SLC10A7: variants seen among roughly 807,000 people sequenced by gnomAD.
SLC10A7 encodes the protein solute carrier family 10 member 7.
In SLC10A7, 29 loss-of-function variants were observed where a neutral mutation model predicts 43.2. The ratio of observed to expected loss-of-function variants is 0.67; its 90% confidence interval spans 0.50 to 0.92. The LOEUF is 0.92. Among genes scored for constraint, SLC10A7 ranks in the 40% least tolerant of loss-of-function variants. The pLI is 0.00. For missense variants in SLC10A7, 295 were observed against 403.2 expected, an observed-to-expected ratio of 0.73 and a Z score of 2.30; for synonymous variants, 152 against 144.8, an observed-to-expected ratio of 1.05 and a Z score of -0.35.
intron 4 of SLC10A7, among the ~76,000 whole-genome samples, chr4:146,481,885 A>T (rs1214792715): frequency 1.3e-5 from 2 of 152,200 alleles, no homozygotes; most frequent in Non-Finnish European, 2.9e-5. Context: ...ACACCTAAAG[A>T]GATCCTCTCA....
rs191793129 is a variant in SLC10A7, at chr4:146,464,892, C to T, written c.397-22071G>A. Among the ~76,000 whole-genome samples the T allele has an allele frequency of 1.5e-3, 232 of 152,120 alleles. 4 individuals carry two copies. The Middle Eastern group carries it at 0.034, about 22-fold the overall frequency. On this transcript the variant is annotated intron_variant, in intron 4 of 11. Transcript: ENST00000335472. ...TTTAAAACAGAGTTTATTATTTACC[C>T]ACTTTTTAAAAAGTATTCCCTTAAC...
intron 5 of SLC10A7, among the ~76,000 whole-genome samples, chr4:146,421,891 G>A (rs1327250816): frequency 1.3e-5 from 2 of 152,034 alleles, no homozygotes; most frequent in Non-Finnish European, 2.9e-5. Context: ...AACCTACTGT[G>A]TCCTCTCTTT....
At chr4:146,377,893 G>A (rs944451084) in intron 5 of SLC10A7, among the ~76,000 whole-genome samples, 1 of 152,118 alleles carries the variant, frequency 6.6e-6, no homozygotes, top group Non-Finnish European at 1.5e-5. Flanking sequence ...AAACTTCATA[G>A]GTTTATATGC....
chr4:146,440,543 A>G (rs921233965), intron 5 of SLC10A7, among the ~76,000 whole-genome samples: 1 of 152,182 alleles, frequency 6.6e-6, no homozygotes, highest in African/African-American at 2.4e-5. Flanking sequence ...CAAATGTTAT[A>G]TAATAGAGAA....
chr4:146,298,385 T>C (rs939528745), intron 7 of SLC10A7, among the ~76,000 whole-genome samples: 3 of 152,184 alleles, frequency 2.0e-5, no homozygotes, highest in Non-Finnish European at 4.4e-5. Context: ...ATGCTATAAG[T>C]GTAAAACTCT....
intron 5 of SLC10A7, among the ~76,000 whole-genome samples, chr4:146,417,034 C>T (rs1728623391): frequency 6.6e-6 from 1 of 152,094 alleles, no homozygotes; most frequent in South Asian, 2.1e-4. Context: ...CTGTTCTCTC[C>T]ATAAGATATA....
chr4:146,457,589 A>T (rs1338162366), intron 4 of SLC10A7, among the ~76,000 whole-genome samples: 1 of 151,938 alleles, frequency 6.6e-6, no homozygotes, highest in Non-Finnish European at 1.5e-5. Context: ...TGCAAACCAC[A>T]GTTTGTTCAT....
chr4:146,417,035 A>G (rs12186135), intron 5 of SLC10A7, among the ~76,000 whole-genome samples: 28,621 of 152,072 alleles, frequency 0.19, 3,444 homozygotes, highest in South Asian at 0.31. Context: ...TGTTCTCTCC[A>G]TAAGATATAT....
Position 146,258,807 on chromosome 4 carries a change from C to A in SLC10A7, c.878G>T (p.Gly293Val). ...AGATATTAAAGAGAGATGCTCATGG[C>A]CTGCAAACACGATCTTCAGCATCGG... is the stretch of plus-strand genomic sequence containing the variant. ...GIPMLKIVFA[G>V]HEHLSLISVP... The change falls in exon 11 of 12, where the codon GGC becomes GTC. Residue 293 changes from glycine to valine, a missense_variant. Gly to Val is a moderately radical substitution (Grantham distance 109). Coordinates refer to ENST00000335472, the MANE Select transcript of SLC10A7 (RefSeq NM_001029998.6). 6.2e-7 allele frequency: 1 copy of A among 1,608,506 alleles called. No individual in the cohort carries two copies. Among genetic ancestry groups the A allele is most frequent in the Non-Finnish European group, 8.5e-7 (1 of 1,178,778 alleles).
intron 4 of SLC10A7, among the ~76,000 whole-genome samples, chr4:146,453,584 A>G (rs1171918293): frequency 6.6e-6 from 1 of 151,986 alleles, no homozygotes. Context: ...TATTGTTCCA[A>G]CTACAGCTCT....
intron 5 of SLC10A7, among the ~76,000 whole-genome samples, chr4:146,389,882 CTGT>C (rs1318953556): frequency 1.3e-5 from 2 of 152,282 alleles, no homozygotes. Flanking sequence ...CTCCCTGGGG[CTGT>C]TGTTAGAATT....
intron 9 of SLC10A7, among the ~76,000 whole-genome samples, chr4:146,288,892 T>C (rs1730215764): frequency 6.6e-6 from 1 of 152,268 alleles, no homozygotes; most frequent in South Asian, 2.1e-4. Context: ...GTCTTTTTAT[T>C]CTTTCTTACA....
At chr4:146,323,387 T>A (rs535657225) in intron 6 of SLC10A7, among the ~76,000 whole-genome samples, 132 of 152,336 alleles carry the variant, frequency 8.7e-4, no homozygotes, top group African/African-American at 3.1e-3. Flanking sequence ...TTAATCCATC[T>A]TGAATTAATT....
At chr4:146,446,731 T>C (rs1731115120) in intron 4 of SLC10A7, among the ~76,000 whole-genome samples, 1 of 150,332 alleles carries the variant, frequency 6.7e-6, no homozygotes, top group African/African-American at 2.5e-5. Context: ...GTAGAAAGGG[T>C]GAGAAGGTTT....
chr4:146,297,139 A>C lies in SLC10A7; in HGVS notation c.556-3044T>G, dbSNP rs544022833. Among the ~76,000 whole-genome samples the C allele has an allele frequency of 1.3e-3, 192 of 152,252 alleles. 2 individuals carry two copies. Among genetic ancestry groups the C allele is most frequent in the Non-Finnish European group, 2.0e-3 (134 of 68,016 alleles). Reference sequence around the variant, plus strand: ...TCTTCCTTCAGAATCTATACTAATTAATTTGCCCTCAGACCTCAGAGAAAT... The same window carrying C: ...TCTTCCTTCAGAATCTATACTAATTCATTTGCCCTCAGACCTCAGAGAAAT... On this transcript the variant is annotated intron_variant, in intron 7 of 11. Transcript: ENST00000335472.
At chr4:146,387,122 T>C (rs1260676714) in intron 5 of SLC10A7, among the ~76,000 whole-genome samples, 3 of 152,196 alleles carry the variant, frequency 2.0e-5, no homozygotes, top group Non-Finnish European at 2.9e-5. Flanking sequence ...TGGAAGACAA[T>C]TGGGTCACAA....
rs192774484 is a variant in SLC10A7, at chr4:146,509,930, G to A, written c.303C>T (p.Asn101=). 7.4e-5 allele frequency: 120 copies of A among 1,612,970 alleles called. 1 individual carries two copies. The South Asian group carries it at 7.6e-4, about 10-fold the overall frequency. Residue 101 remains asparagine (N), a synonymous_variant, in exon 3 of 12, where the codon AAC becomes AAT. Transcript: ENST00000335472. ...FLQLLSITPI[N]EWLLKGLQTV... is the part of the protein sequence containing the mutation. Reference sequence around the variant, plus strand: ...AAACATACCCTTTTAAAAGCCATTCGTTGATGGGTGTGATTGATAAAAGCT... The same window carrying A: ...AAACATACCCTTTTAAAAGCCATTCATTGATGGGTGTGATTGATAAAAGCT...
At chr4:146,343,089 T>C (rs1216145059) in intron 5 of SLC10A7, among the ~76,000 whole-genome samples, 2 of 152,008 alleles carry the variant, frequency 1.3e-5, no homozygotes, top group Non-Finnish European at 2.9e-5. Flanking sequence ...TTATTTTCAT[T>C]TACCTTTAAA....
At chr4:146,285,164 G>C (rs1729809036) in intron 9 of SLC10A7, among the ~76,000 whole-genome samples, 1 of 152,134 alleles carries the variant, frequency 6.6e-6, no homozygotes, top group African/African-American at 2.4e-5. Context: ...CAGGAGTATG[G>C]AGTTGATATG....
Sources: gnomAD v4.1 joint callset for allele counts (sites outside exome capture counted in the v4.1 genomes callset) on GRCh38, gnomAD v4.1.1 for gene constraint, MANE v1.5 for transcripts, NCBI Gene and HGNC (gene_info 2026-07-23, HGNC 2026-07-21) for gene names.